Variants in PAWR observed in about 807,000 individuals in gnomAD.
PAWR encodes the protein PRKC apoptosis WT1 regulator protein.
A neutral mutation model predicts 32.0 loss-of-function variants in PAWR; 23 were observed. That is an observed-to-expected ratio of 0.72 (90% CI 0.52 to 1.02). PAWR has a LOEUF of 1.02. Among genes scored for constraint, PAWR ranks in the 50% least tolerant of loss-of-function variants. The pLI is 0.00. For synonymous variants in PAWR, 226 were observed against 187.1 expected, an observed-to-expected ratio of 1.21 and a Z score of -1.70; for missense variants, 457 against 437.7, an observed-to-expected ratio of 1.04 and a Z score of -0.39.
rs1203966378 is a variant in PAWR, at chr12:79,588,253, C to G, written c.*4354G>C. On this transcript the variant is annotated 3_prime_UTR_variant, in exon 7 of 7. Coordinates refer to ENST00000328827, the MANE Select transcript of PAWR (RefSeq NM_002583.4). Reference sequence around the variant, plus strand: ...TCGATATGTGAACTGTAGATTAGAACAGACTTACATATCTAAAAACAAACC... The same window carrying G: ...TCGATATGTGAACTGTAGATTAGAAGAGACTTACATATCTAAAAACAAACC... 1.3e-5 allele frequency: 2 copies of G among 151,882 alleles called. No individual in the cohort carries two copies. Among genetic ancestry groups the G allele is most frequent in the Non-Finnish European group, 2.9e-5 (2 of 67,808 alleles). 9.4% of individuals were successfully genotyped at this position (151,882 alleles called of 1,614,324 possible).
chr12:79,687,873 T>C (rs1878758360), intron 2 of PAWR, among the ~76,000 whole-genome samples: 1 of 152,162 alleles, frequency 6.6e-6, no homozygotes, highest in South Asian at 2.1e-4. Context: ...GTTAATTAGA[T>C]ACTGTAGTGA....
intron 2 of PAWR, among the ~76,000 whole-genome samples, chr12:79,681,683 T>C (rs1253201994): frequency 6.6e-6 from 1 of 152,118 alleles, no homozygotes; most frequent in African/African-American, 2.4e-5. Context: ...AGAACTACAG[T>C]GAACACACTG....
At chr12:79,658,887 G>A (rs1877215451) in intron 2 of PAWR, among the ~76,000 whole-genome samples, 2 of 150,744 alleles carry the variant, frequency 1.3e-5, no homozygotes, top group Admixed American at 6.6e-5. Flanking sequence ...TCTTGAACTC[G>A]TGACTTCAAG....
chr12:79,638,270 C>T (rs1266188721), intron 2 of PAWR, among the ~76,000 whole-genome samples: 1 of 151,904 alleles, frequency 6.6e-6, no homozygotes, highest in Non-Finnish European at 1.5e-5. Flanking sequence ...ATAGGATAAA[C>T]TTTTGTCATA....
chr12:79,604,161 A>AT (rs537156493), intron 4 of PAWR: 5 of 827,808 alleles, frequency 6.0e-6, no homozygotes, highest in Non-Finnish European at 7.3e-6. Context: ...AGAATAAAAG[A>AT]TTGTTCATTA....
chr12:79,597,389 A>G (rs1873804072), intron 4 of PAWR, among the ~76,000 whole-genome samples: 1 of 152,156 alleles, frequency 6.6e-6, no homozygotes, highest in African/African-American at 2.4e-5. Context: ...ATGTGTGGTG[A>G]AAAACCACTT....
At chr12:79,601,415 G>C (rs1364703735) in intron 4 of PAWR, among the ~76,000 whole-genome samples, 2 of 151,812 alleles carry the variant, frequency 1.3e-5, no homozygotes, top group East Asian at 3.9e-4. Flanking sequence ...ATGTTGCCCA[G>C]GCCGGTCCTG....
intron 2 of PAWR, among the ~76,000 whole-genome samples, chr12:79,672,044 T>C (rs1168012917): frequency 6.6e-6 from 1 of 152,202 alleles, no homozygotes; most frequent in Admixed American, 6.5e-5. Context: ...TTGATTGCTC[T>C]GCTTCTCACA....
chr12:79,600,486 G>A (rs7135428), intron 4 of PAWR, among the ~76,000 whole-genome samples: 17,382 of 150,744 alleles, frequency 0.12, 1,082 homozygotes, highest in Non-Finnish European at 0.14. Context: ...TTGGGGGGGC[G>A]GGGGGAGATA....
intron 2 of PAWR, among the ~76,000 whole-genome samples, chr12:79,628,662 T>TA (rs140758188): frequency 0.019 from 2,864 of 152,102 alleles, 102 homozygotes; most frequent in African/African-American, 0.065. Flanking sequence ...AGTTTCTCTG[T>TA]AAAGAAAAGG....
chr12:79,631,074 C>G (rs917362498), intron 2 of PAWR, among the ~76,000 whole-genome samples: 15 of 151,908 alleles, frequency 9.9e-5, no homozygotes, highest in African/African-American at 3.6e-4. Context: ...ATATAATCAC[C>G]AATACATTAG....
intron 3 of PAWR, among the ~76,000 whole-genome samples, chr12:79,615,447 T>G (rs937147519): frequency 1.3e-5 from 2 of 152,196 alleles, no homozygotes; most frequent in South Asian, 4.1e-4. Context: ...CGACTGTGTA[T>G]GTGGGCTTGA....
chr12:79,598,212 T>A (rs1444739658), intron 4 of PAWR, among the ~76,000 whole-genome samples: 1 of 152,180 alleles, frequency 6.6e-6, no homozygotes, highest in Non-Finnish European at 1.5e-5. Flanking sequence ...AGTGCAAACA[T>A]CAGGAGGTAG....
rs549203246 is a variant in PAWR, at chr12:79,594,453, A to G, written c.832-20T>C. Reference sequence around the variant, plus strand: ...TACTTCCTGGTAGATACAATTAAAAACCAGTAATTAGGAAGTAATTGTTTA... The same window carrying G: ...TACTTCCTGGTAGATACAATTAAAAGCCAGTAATTAGGAAGTAATTGTTTA... On this transcript the variant is annotated intron_variant, in intron 5 of 6. Coordinates refer to ENST00000328827, the MANE Select transcript of PAWR (RefSeq NM_002583.4). 3.5e-6 allele frequency: 4 copies of G among 1,130,894 alleles called. No homozygotes were observed. In the African/African-American group the frequency reaches 4.7e-5, roughly 13 times the overall value. 70.1% of individuals were successfully genotyped at this position (1,130,894 alleles called of 1,614,324 possible). A position where few individuals can be genotyped will look rare whatever the true frequency, so the allele number is the denominator to read the frequency against.
At chr12:79,617,608 CTTTATT>C (rs748173092) in intron 3 of PAWR, among the ~76,000 whole-genome samples, 5 of 151,866 alleles carry the variant, frequency 3.3e-5, no homozygotes, top group Admixed American at 6.6e-5. Flanking sequence ...ATTTTTTTAG[CTTTATT>C]TTTAATTGAC....
At chr12:79,649,169 T>C (rs1876721301) in intron 2 of PAWR, among the ~76,000 whole-genome samples, 1 of 152,126 alleles carries the variant, frequency 6.6e-6, no homozygotes, top group Non-Finnish European at 1.5e-5. Flanking sequence ...AATTACTCCT[T>C]CACAGAAAAC....
intron 2 of PAWR, among the ~76,000 whole-genome samples, chr12:79,656,533 A>G (rs141553003): frequency 6.6e-6 from 1 of 152,310 alleles, no homozygotes; most frequent in Non-Finnish European, 1.5e-5. Flanking sequence ...GCTACTACTC[A>G]CAAGTTAGGA....
At chr12:79,659,774 T>A (rs995514511) in intron 2 of PAWR, among the ~76,000 whole-genome samples, 2 of 152,210 alleles carry the variant, frequency 1.3e-5, no homozygotes, top group Non-Finnish European at 2.9e-5. Flanking sequence ...TATTTTGTGG[T>A]ATTTGGAAAA....
intron 2 of PAWR, among the ~76,000 whole-genome samples, chr12:79,682,008 TTAAG>T (rs1187939672): frequency 6.6e-6 from 1 of 152,214 alleles, no homozygotes; most frequent in African/African-American, 2.4e-5. Context: ...TTCTAAAATA[TTAAG>T]TAGTTTGCTT....
Sources: gnomAD v4.1 joint callset for allele counts (sites outside exome capture counted in the v4.1 genomes callset) on GRCh38, gnomAD v4.1.1 for gene constraint, MANE v1.5 for transcripts, NCBI Gene and HGNC (gene_info 2026-07-23, HGNC 2026-07-21) for gene names.